CHRM3: variants seen among roughly 807,000 people sequenced by gnomAD.
The protein encoded by CHRM3 is muscarinic acetylcholine receptor M3.
A neutral mutation model predicts 41.8 loss-of-function variants in CHRM3; 11 were observed. The ratio of observed to expected loss-of-function variants is 0.26; its 90% CI spans 0.17 to 0.44. CHRM3 has a LOEUF of 0.44. Among genes scored for constraint, CHRM3 ranks in the 20% least tolerant of loss-of-function variants. The probability of loss-of-function intolerance (pLI) is 1.00; values close to 1 mark genes in which losing one functional copy is unlikely to be tolerated. For synonymous variants in CHRM3, 297 were observed against 301.4 expected (o/e 0.99, Z 0.15); for missense variants, 571 against 745.4 (o/e 0.77, Z 2.72).
chr1:239,529,902 TA>T (rs1246775522), intron 2 of CHRM3, among the ~76,000 whole-genome samples: 1 of 151,822 alleles, frequency 6.6e-6, no homozygotes, highest in African/African-American at 2.4e-5. Context: ...TTATTATTAT[TA>T]TTATTTTTTT....
At chr1:239,466,311 A>G (rs1665728434) in intron 1 of CHRM3, among the ~76,000 whole-genome samples, 1 of 152,084 alleles carries the variant, frequency 6.6e-6, no homozygotes, top group Admixed American at 6.6e-5. Flanking sequence ...AATTTAATCA[A>G]TAGAAAATGT....
intron 1 of CHRM3, among the ~76,000 whole-genome samples, chr1:239,388,815 T>C (rs1311593245): frequency 6.6e-6 from 1 of 152,262 alleles, no homozygotes; most frequent in Admixed American, 6.5e-5. Flanking sequence ...GTTTACATCA[T>C]AGCTTCTACC....
intron 6 of CHRM3, among the ~76,000 whole-genome samples, chr1:239,828,195 CATAGAT>C (rs1239506294): frequency 1.3e-5 from 2 of 152,210 alleles, no homozygotes; most frequent in East Asian, 3.9e-4. Flanking sequence ...GATATTCACA[CATAGAT>C]ATAGACACAT....
At chr1:239,771,563 A>G (rs1667677498) in intron 5 of CHRM3, among the ~76,000 whole-genome samples, 1 of 152,256 alleles carries the variant, frequency 6.6e-6, no homozygotes, top group South Asian at 2.1e-4. Context: ...ACCTAAGTGG[A>G]CGTCAAGGCA....
At chr1:239,648,226 T>C (rs1671912095) in intron 4 of CHRM3, among the ~76,000 whole-genome samples, 1 of 152,176 alleles carries the variant, frequency 6.6e-6, no homozygotes, top group African/African-American at 2.4e-5. Context: ...GACTTACCTT[T>C]AATAGTTTTC....
rs949333372 is a variant in CHRM3, at chr1:239,402,354, C to T, written c.-521+15127C>T. On this transcript the variant is annotated intron_variant, in intron 1 of 6. Transcript: ENST00000676153. Reference sequence around the variant, plus strand: ...AAACTGCACCACATTAATTACTTGCCACCTGTTCTCACTACTACCTCCTTG... The same window carrying T: ...AAACTGCACCACATTAATTACTTGCTACCTGTTCTCACTACTACCTCCTTG... 4.6e-5 allele frequency among the ~76,000 whole-genome samples: 7 copies of T among 152,298 alleles called. No individual in the cohort carries two copies. The East Asian group carries it at 1.4e-3, about 29-fold the overall frequency.
chr1:239,906,022 C>G (rs1679943761), intron 6 of CHRM3, among the ~76,000 whole-genome samples: 1 of 152,176 alleles, frequency 6.6e-6, no homozygotes, highest in Admixed American at 6.5e-5. Context: ...TTCTGTTATA[C>G]AGAAAATTAT....
At chr1:239,595,406 T>C (rs1246930331) in intron 3 of CHRM3, among the ~76,000 whole-genome samples, 1 of 152,200 alleles carries the variant, frequency 6.6e-6, no homozygotes, top group African/African-American at 2.4e-5. Context: ...GAAGAGTGTG[T>C]CTGCAAAATA....
rs181270778 is a variant in CHRM3, at chr1:239,577,818, G to T, written c.-313+32069G>T. On this transcript the variant is annotated intron_variant, in intron 3 of 6. Transcript: ENST00000676153. ...CCATGCATTATCTTGAAGGAGGCAG[G>T]TCCTGTTTGTAACATCTTCACTTTC... Among the ~76,000 whole-genome samples the T allele has an allele frequency of 1.3e-4, 20 of 152,156 alleles. 1 individual carries two copies. Among genetic ancestry groups the T allele is most frequent in the Admixed American group, 1.3e-3 (20 of 15,268 alleles).
At chr1:239,412,041 T>G (rs1661115355) in intron 1 of CHRM3, among the ~76,000 whole-genome samples, 1 of 151,752 alleles carries the variant, frequency 6.6e-6, no homozygotes, top group South Asian at 2.1e-4. Context: ...TCTTTCTTTA[T>G]ACTTCCAAGA....
intron 3 of CHRM3, among the ~76,000 whole-genome samples, chr1:239,621,869 C>A (rs1668401285): frequency 9.4e-6 from 1 of 106,834 alleles, no homozygotes; most frequent in African/African-American, 3.6e-5. Context: ...GATCGACCAG[C>A]CTTCTGCTGG....
chr1:239,683,065 T>C (rs939922032), intron 5 of CHRM3, among the ~76,000 whole-genome samples: 1 of 152,164 alleles, frequency 6.6e-6, no homozygotes, highest in African/African-American at 2.4e-5. Context: ...TACTGTGTTA[T>C]AGAACATCAA....
chr1:239,472,017 C>T (rs942161830), intron 1 of CHRM3, among the ~76,000 whole-genome samples: 1 of 152,076 alleles, frequency 6.6e-6, no homozygotes, highest in African/African-American at 2.4e-5. Flanking sequence ...GACTCCAATA[C>T]TCTGAGAGTA....
At chr1:239,682,004 T>C (rs945803560) in intron 5 of CHRM3, among the ~76,000 whole-genome samples, 7 of 152,346 alleles carry the variant, frequency 4.6e-5, no homozygotes, top group African/African-American at 1.7e-4. Context: ...CAGATCTAAT[T>C]TATCCAAATA....
intron 1 of CHRM3, among the ~76,000 whole-genome samples, chr1:239,487,830 G>A (rs1667279649): frequency 1.8e-5 from 2 of 113,862 alleles, no homozygotes. Context: ...AAAGTCAAAT[G>A]ACAAAAATAT....
intron 5 of CHRM3, among the ~76,000 whole-genome samples, chr1:239,769,648 A>C (rs1247392830): frequency 6.6e-6 from 1 of 152,194 alleles, no homozygotes; most frequent in Admixed American, 6.5e-5. Flanking sequence ...TTGGGAGGCC[A>C]AGGCGGGTAG....
intron 1 of CHRM3, among the ~76,000 whole-genome samples, chr1:239,399,954 C>G (rs1659824969): frequency 6.6e-6 from 1 of 151,728 alleles, no homozygotes; most frequent in Non-Finnish European, 1.5e-5. Context: ...ACTCTGTTGC[C>G]CAGGCTGGAG....
At chr1:239,549,086 C>T (rs982359763) in intron 3 of CHRM3, among the ~76,000 whole-genome samples, 3 of 151,934 alleles carry the variant, frequency 2.0e-5, no homozygotes, top group Non-Finnish European at 4.4e-5. Flanking sequence ...AGGGGAACTC[C>T]CCCTTATAGA....
At chr1:239,537,386 C>T (rs969632735) in intron 2 of CHRM3, among the ~76,000 whole-genome samples, 1 of 152,050 alleles carries the variant, frequency 6.6e-6, no homozygotes, top group African/African-American at 2.4e-5. Flanking sequence ...TAAGCAGGAG[C>T]AGGCACTTTA....
Sources: allele counts gnomAD v4.1 joint callset (sites outside exome capture counted in the v4.1 genomes callset), GRCh38; gene constraint gnomAD v4.1.1; transcripts MANE v1.5; gene names NCBI Gene and HGNC (gene_info 2026-07-23, HGNC 2026-07-21).